The following GLDC variants were observed in gnomAD, a reference collection of about 807,000 sequenced individuals.
The protein encoded by GLDC is glycine decarboxylase.
GLDC carries 104 observed loss-of-function variants against 121.3 expected under a neutral mutation model. That is an observed-to-expected ratio of 0.86 (90% CI 0.73 to 1.01). The LOEUF (loss-of-function observed/expected upper bound fraction) is 1.01. Among genes scored for constraint, GLDC ranks in the 50% least tolerant of loss-of-function variants. The pLI is 0.00. For synonymous variants in GLDC, 546 were observed against 480.6 expected (o/e 1.14, Z -1.78); for missense variants, 1,429 against 1,306.6 (o/e 1.09, Z -1.44).
chr9:6,605,063 A>T, intron 6 of GLDC, 68 bp downstream of exon 6: 1 of 1,372,082 alleles, frequency 7.3e-7, no homozygotes, highest in Non-Finnish European at 1.0e-6. Context: ...AGACAGAGAG[A>T]GAGATAGGTA....
intron 21 of GLDC, among the ~76,000 whole-genome samples, chr9:6,547,531 G>T (rs1423367586): frequency 3.3e-5 from 5 of 152,100 alleles, no homozygotes; most frequent in South Asian, 4.1e-4. Context: ...AGATAAATTG[G>T]CACAAAGTCT....
intron 21 of GLDC, among the ~76,000 whole-genome samples, chr9:6,548,233 T>C (rs1313412050): frequency 6.6e-6 from 1 of 152,224 alleles, no homozygotes; most frequent in Non-Finnish European, 1.5e-5. Context: ...ACCATTTACA[T>C]TTTCTTTGTC....
intron 15 of GLDC, chr9:6,566,458 C>G (rs1013567752): frequency 6.6e-6 from 1 of 152,086 alleles, no homozygotes; most frequent in Non-Finnish European, 1.5e-5. Context: ...CTGATCAGCC[C>G]CAAAAGAATG....
At position 6,578,879 on chromosome 9, in the gene GLDC, G is replaced by C. The variant is rs1057190949; in HGVS notation, c.1850+8262C>G. ...CTTGTGATTCCTCTTTGTTCCACTGGTTATTTATAAGGGTGTTATTTAATT... is the reference window on the plus strand; with the variant it reads ...CTTGTGATTCCTCTTTGTTCCACTGCTTATTTATAAGGGTGTTATTTAATT... On this transcript the variant is annotated intron_variant, in intron 15 of 24. Transcript: ENST00000321612. 4.6e-5 allele frequency among the ~76,000 whole-genome samples: 7 copies of C among 152,172 alleles called. No homozygotes were observed. The East Asian group carries it at 1.4e-3, about 29-fold the overall frequency.
intron 23 of GLDC, 61 bp from the exon 24 acceptor site, chr9:6,534,849 C>T: frequency 1.2e-6 from 1 of 861,516 alleles, no homozygotes; most frequent in East Asian, 2.4e-5. Flanking sequence ...TCCTCCTACC[C>T]TGCACCTCAA....
At chr9:6,600,471 G>A (rs113094863) in intron 8 of GLDC, among the ~76,000 whole-genome samples, 7 of 151,964 alleles carry the variant, frequency 4.6e-5, no homozygotes, top group African/African-American at 1.4e-4. Context: ...GAGGTCAGGC[G>A]TTTGAGACCA....
rs561835734 is a variant in GLDC, at chr9:6,563,827, C to G, written c.1926+1527G>C. On this transcript the variant is annotated intron_variant, in intron 16 of 24. Transcript: ENST00000321612. Reference sequence around the variant, plus strand: ...TTCAATTCACGAATGGCCTGTTTTTCAAAGATCTTTAGACATGAATTCTAG... The same window carrying G: ...TTCAATTCACGAATGGCCTGTTTTTGAAAGATCTTTAGACATGAATTCTAG... Among the ~76,000 whole-genome samples, 37 of 152,144 alleles carry G rather than the reference C, an allele frequency of 2.4e-4. No homozygotes were observed. The East Asian group carries it at 5.4e-3, about 22-fold the overall frequency.
At chr9:6,626,764 A>G (rs1819247764) in intron 2 of GLDC, among the ~76,000 whole-genome samples, 1 of 152,136 alleles carries the variant, frequency 6.6e-6, no homozygotes, top group Non-Finnish European at 1.5e-5. Context: ...CTTGCGAGAG[A>G]GCCCTGACTA....
intron 5 of GLDC, among the ~76,000 whole-genome samples, chr9:6,606,372 C>T (rs1054344489): frequency 6.6e-6 from 1 of 150,988 alleles, no homozygotes; most frequent in African/African-American, 2.4e-5. Context: ...AAAGCAATGG[C>T]AATTGTGTAT....
chr9:6,590,128 CAAAGGAA>C (rs1818348845), intron 11 of GLDC, among the ~76,000 whole-genome samples: 1 of 151,348 alleles, frequency 6.6e-6, no homozygotes, highest in Non-Finnish European at 1.5e-5. Flanking sequence ...AATGTGACAC[CAAAGGAA>C]TAAACAATAA....
chr9:6,542,670 G>C (rs1277019893), intron 21 of GLDC, among the ~76,000 whole-genome samples: 1 of 151,934 alleles, frequency 6.6e-6, no homozygotes, highest in Non-Finnish European at 1.5e-5. Flanking sequence ...AAGATCGCTT[G>C]AGCCCAGGAG....
At chr9:6,639,565 C>T in intron 2 of GLDC, 1 of 766,236 alleles carries the variant, frequency 1.3e-6, no homozygotes, top group Non-Finnish European at 2.4e-6. Context: ...CGACTGGCTC[C>T]TGATTATGAT....
At chr9:6,557,907 CG>C (rs1817671457) in intron 17 of GLDC, 1 of 158,744 alleles carries the variant, frequency 6.3e-6, no homozygotes, top group Non-Finnish European at 1.4e-5. Flanking sequence ...AGAGGTGGAT[CG>C]AAGAGAGGTG....
chr9:6,550,056 G>C (rs765374879), intron 21 of GLDC, among the ~76,000 whole-genome samples: 7 of 152,148 alleles, frequency 4.6e-5, no homozygotes, highest in Non-Finnish European at 1.0e-4. Context: ...GTTTGCTCCT[G>C]TGTCTCTGCT....
chr9:6,610,308 C>T lies in GLDC; in HGVS notation c.519G>A (p.Leu173=), dbSNP rs1384226436. Residue 173 remains leucine, a synonymous_variant, in exon 4 of 25, where the codon CTG becomes CTA. Transcript: ENST00000321612. ...PYQPEVSQGR[L]ESLLNYQTMV... is the part of the protein sequence containing the mutation. ...TGGTCTGGTAGTTGAGTAAACTCTC[C>T]AGCCTCCCCTGAGACACCTCAGGCT... is the stretch of plus-strand genomic sequence containing the variant. 4 of 1,613,880 alleles carry T rather than the reference C, an allele frequency of 2.5e-6. No individual in the cohort carries two copies. Among genetic ancestry groups the T allele is most frequent in the Admixed American group, 3.3e-5 (2 of 60,002 alleles).
At chr9:6,617,831 A>G (rs1261082688) in intron 3 of GLDC, among the ~76,000 whole-genome samples, 1 of 152,226 alleles carries the variant, frequency 6.6e-6, no homozygotes, top group Non-Finnish European at 1.5e-5. Context: ...AATTGTTAAC[A>G]CTCATTGATT....
In GLDC at chr9:6,555,850, G is replaced by C. The variant is rs16924687; in HGVS notation, c.2202+303C>G. ...CAAACACCAATAAGAGTCTCAAAAA[G>C]ATTGTGTCACTCCTCTCCTGCAGGG... On this transcript the variant is annotated intron_variant, in intron 18 of 24. Coordinates refer to ENST00000321612, the MANE Select transcript of GLDC (RefSeq NM_000170.3). Among the ~76,000 whole-genome samples, 6,740 of 152,176 alleles carry C rather than the reference G, an allele frequency of 0.044. 448 individuals carry two copies. The highest frequency in any genetic ancestry group is 0.15 in the African/African-American group (6,092 of 41,500).
chr9:6,546,164 C>A (rs1401667126), intron 21 of GLDC, among the ~76,000 whole-genome samples: 1 of 151,806 alleles, frequency 6.6e-6, no homozygotes, highest in Non-Finnish European at 1.5e-5. Flanking sequence ...CCTACAGATT[C>A]AGGATGCTCA....
chr9:6,641,298 G>A (rs1819624635), intron 2 of GLDC, among the ~76,000 whole-genome samples: 1 of 152,160 alleles, frequency 6.6e-6, no homozygotes, highest in Non-Finnish European at 1.5e-5. Flanking sequence ...CCTTGCCCTA[G>A]CAGCAGGCTT....
Sources: allele counts gnomAD v4.1 joint callset (sites outside exome capture counted in the v4.1 genomes callset), GRCh38; gene constraint gnomAD v4.1.1; transcripts MANE v1.5; gene names NCBI Gene and HGNC (gene_info 2026-07-23, HGNC 2026-07-21).